CSMD2: variants seen among roughly 807,000 people sequenced by gnomAD.
CSMD2 encodes the protein CUB and sushi domain-containing protein 2.
A neutral mutation model predicts 398.5 loss-of-function variants in CSMD2; 130 were observed. The ratio of observed to expected loss-of-function variants is 0.33; its 90% confidence interval spans 0.28 to 0.38. The LOEUF is 0.38. Among genes scored for constraint, CSMD2 ranks in the 10% least tolerant of loss-of-function variants. The pLI is 1.00. For missense variants in CSMD2, 3,829 were observed against 4,764.9 expected (o/e 0.80, Z 5.78); for synonymous variants, 1,828 against 1,908.5 (o/e 0.96, Z 1.10).
chr1:33,600,777 A>T, intron 44 of CSMD2, 88 bp downstream of exon 44: 6 of 1,391,852 alleles, frequency 4.3e-6, no homozygotes, highest in Non-Finnish European at 6.0e-6. Context: ...TCAAGGTCAC[A>T]TGATCCGCAA....
rs1642575743 is a variant in CSMD2 at position 33,633,271 on chromosome 1, C to T, written c.5200+151G>A. 4.7e-6 allele frequency: 3 copies of T among 644,386 alleles called. No homozygotes were observed. Among genetic ancestry groups the T allele is most frequent in the South Asian group, 3.7e-5 (2 of 54,704 alleles). The allele number at this position is 644,386 out of a possible 1,614,324, so 39.9% of individuals were successfully genotyped here. A position where few individuals can be genotyped will look rare whatever the true frequency, so the allele number is the denominator to read the frequency against. On this transcript the variant is annotated intron_variant, in intron 32 of 70. Transcript: ENST00000373381. This position sits in a 1 kb window ranked among gnomAD's most constrained non-coding sequence, Gnocchi z 5.0. ...AGTTGGAGCTCTCACGAGCTGGCTG[C>T]TGCGTTGTAGACAAGCACCAGAACA... is the stretch of plus-strand genomic sequence containing the variant.
intron 46 of CSMD2, among the ~76,000 whole-genome samples, chr1:33,585,608 A>G (rs1639029667): frequency 6.6e-6 from 1 of 152,222 alleles, no homozygotes; most frequent in Admixed American, 6.5e-5. Context: ...TGACCAGCAC[A>G]GGGCACTGAG....
chr1:33,625,688 C>G (rs1366869272), intron 33 of CSMD2, among the ~76,000 whole-genome samples: 1 of 152,178 alleles, frequency 6.6e-6, no homozygotes, highest in East Asian at 1.9e-4. Flanking sequence ...CCCCAGTCTC[C>G]CCTCCCTCCT....
At chr1:34,136,935 C>T (rs1638811848) in intron 1 of CSMD2, among the ~76,000 whole-genome samples, 1 of 152,104 alleles carries the variant, frequency 6.6e-6, no homozygotes, top group Non-Finnish European at 1.5e-5. Flanking sequence ...CACCCTTCCA[C>T]TCATCTTTCC....
chr1:33,627,546 G>A (rs1642204890), intron 32 of CSMD2, among the ~76,000 whole-genome samples: 1 of 152,144 alleles, frequency 6.6e-6, no homozygotes, highest in Admixed American at 6.5e-5. Flanking sequence ...CTACAGTGAG[G>A]GCTAGAGTTG....
rs570286238 is a variant in CSMD2, at chr1:34,011,467, G to A, written c.517+21127C>T. On this transcript the variant is annotated intron_variant, in intron 3 of 70. Transcript: ENST00000373381. ...AGAAACGAAGAGAGGCTATGAGCAC[G>A]TGCCTAAGAGAGTCCATTCTTTCCC... 5.9e-5 allele frequency among the ~76,000 whole-genome samples: 9 copies of A among 152,282 alleles called. 1 individual carries two copies. Among genetic ancestry groups the A allele is most frequent in the Non-Finnish European group, 1.0e-4 (7 of 68,024 alleles).
intron 5 of CSMD2, among the ~76,000 whole-genome samples, chr1:33,889,881 T>G (rs1046729531): frequency 6.6e-6 from 1 of 151,990 alleles, no homozygotes; most frequent in East Asian, 1.9e-4. Context: ...ATTTAACACA[T>G]AGACGACTTT....
chr1:33,737,710 C>T (rs1282012796), intron 15 of CSMD2, among the ~76,000 whole-genome samples: 1 of 152,134 alleles, frequency 6.6e-6, no homozygotes, highest in Non-Finnish European at 1.5e-5. Context: ...AGTTAAAAGG[C>T]CATTCATTCA....
intron 10 of CSMD2, among the ~76,000 whole-genome samples, chr1:33,803,243 C>T (rs149590864): frequency 6.6e-6 from 1 of 152,306 alleles, no homozygotes; most frequent in African/African-American, 2.4e-5. Context: ...CAGATCCATT[C>T]TGAATTTTCT....
intron 19 of CSMD2, among the ~76,000 whole-genome samples, chr1:33,721,403 T>C (rs911392502): frequency 5.3e-5 from 8 of 152,190 alleles, no homozygotes; most frequent in Non-Finnish European, 1.2e-4. Flanking sequence ...TTGGTGAGCT[T>C]GATTGACTTC....
chr1:34,015,997 C>A (rs1419420751), intron 3 of CSMD2, among the ~76,000 whole-genome samples: 1 of 148,938 alleles, frequency 6.7e-6, no homozygotes, highest in Non-Finnish European at 1.5e-5. Context: ...TGCCCATTTA[C>A]ACTGGACTCC....
At chr1:33,596,613 G>T (rs1570880110) in intron 44 of CSMD2, among the ~76,000 whole-genome samples, 3 of 152,180 alleles carry the variant, frequency 2.0e-5, no homozygotes, top group African/African-American at 7.2e-5. Context: ...TCTTCACATG[G>T]CAGCAAGAAG....
chr1:33,975,409 C>T (rs918769727), intron 3 of CSMD2, among the ~76,000 whole-genome samples: 2 of 151,804 alleles, frequency 1.3e-5, no homozygotes, highest in Non-Finnish European at 2.9e-5. Context: ...ACATAATACA[C>T]GGTATTATTT....
At chr1:33,762,430 A>G (rs1432689575) in intron 13 of CSMD2, among the ~76,000 whole-genome samples, 2 of 152,228 alleles carry the variant, frequency 1.3e-5, no homozygotes, top group Non-Finnish European at 2.9e-5. Context: ...TCATTCCCCT[A>G]TAAGTAGAGG....
At chr1:33,793,040 G>A (rs1654511665) in intron 10 of CSMD2, among the ~76,000 whole-genome samples, 1 of 152,190 alleles carries the variant, frequency 6.6e-6, no homozygotes, top group Non-Finnish European at 1.5e-5. Context: ...TTTTAATCCT[G>A]CCTTCCACAA....
intron 10 of CSMD2, among the ~76,000 whole-genome samples, chr1:33,797,735 T>C (rs548006145): frequency 6.6e-6 from 1 of 152,330 alleles, no homozygotes; most frequent in Non-Finnish European, 1.5e-5. Context: ...TAGTGTCTTC[T>C]GCTGGAGGAA....
At chr1:34,138,222 C>T (rs768103260) in intron 1 of CSMD2, among the ~76,000 whole-genome samples, 2 of 152,140 alleles carry the variant, frequency 1.3e-5, no homozygotes, top group Non-Finnish European at 2.9e-5. Context: ...AAGCAGGTCC[C>T]AGATCAAGGT....
intron 41 of CSMD2, among the ~76,000 whole-genome samples, chr1:33,608,714 G>A (rs567391000): frequency 2.6e-5 from 4 of 152,260 alleles, no homozygotes; most frequent in South Asian, 2.1e-4. Flanking sequence ...AGCTGAGAAT[G>A]CCAAGATTGT....
chr1:33,929,443 T>C (rs1644241798), intron 4 of CSMD2, among the ~76,000 whole-genome samples: 1 of 145,578 alleles, frequency 6.9e-6, no homozygotes, highest in East Asian at 2.0e-4. Flanking sequence ...TTTTTTTTTT[T>C]TTTTTTTTTT....
Sources: allele counts gnomAD v4.1 joint callset (sites outside exome capture counted in the v4.1 genomes callset), GRCh38; gene constraint gnomAD v4.1.1; non-coding constraint Gnocchi (gnomAD v3.1); transcripts MANE v1.5; gene names NCBI Gene and HGNC (gene_info 2026-07-23, HGNC 2026-07-21).